PMPCA: variants seen among roughly 807,000 people sequenced by gnomAD.
PMPCA encodes mitochondrial-processing peptidase subunit alpha.
PMPCA carries 47 observed loss-of-function variants against 59.3 expected under a neutral mutation model. That is an observed-to-expected ratio of 0.79 (90% CI 0.63 to 1.01). PMPCA has a LOEUF of 1.01. PMPCA is among the 50% of genes least tolerant of loss of function. The pLI is 0.00. For missense variants in PMPCA, 726 were observed against 704.5 expected (o/e 1.03, Z -0.34); for synonymous variants, 338 against 290.3 (o/e 1.16, Z -1.67).
chr9:136,412,455 C>A, intron 2 of PMPCA, 35 bp from the exon 3 acceptor site: 2 of 981,432 alleles, frequency 2.0e-6, no homozygotes, highest in Non-Finnish European at 3.2e-6. Context: ...TTTTGAATAT[C>A]TGATGTAACC....
intron 11 of PMPCA, chr9:136,419,511 G>A: frequency 3.1e-6 from 1 of 321,596 alleles, no homozygotes; most frequent in Non-Finnish European, 6.0e-6. Flanking sequence ...TCGCACAGGT[G>A]GGCTGCAGCG....
chr9:136,413,765 C>G (rs1213265584), intron 4 of PMPCA, among the ~76,000 whole-genome samples: 1 of 152,182 alleles, frequency 6.6e-6, no homozygotes, highest in East Asian at 1.9e-4. Context: ...GCCCTCAGCT[C>G]AGGCTTTTGT....
rs10870165 is a variant in PMPCA, at chr9:136,422,149, C to A, written c.1408+173C>A. On this transcript the variant is annotated intron_variant, in intron 12 of 12. Coordinates refer to ENST00000371717, the MANE Select transcript of PMPCA (RefSeq NM_015160.3). ...GCGGCCAAGGGCAGGGTCGTGGGGT[C>A]GCAGACCTGGTCTCACTTCCCGGCC... is the stretch of plus-strand genomic sequence containing the variant. 5 of 1,538,916 alleles carry A rather than the reference C, an allele frequency of 3.2e-6. No individual in the cohort carries two copies. In the East Asian group the frequency reaches 9.9e-5, roughly 31 times the overall value.
chr9:136,417,989 C>T (rs1433542797), intron 7 of PMPCA, 28 bp from the exon 8 acceptor site: 17 of 1,526,180 alleles, frequency 1.1e-5, no homozygotes, highest in East Asian at 4.5e-5. Flanking sequence ...TTTCACATGG[C>T]GACACTTGCT....
rs1408951909 is a variant in PMPCA at position 136,423,139 on chromosome 9, C to T, written c.1453C>T (p.Leu485Phe). Residue 485 changes from leucine (L) to phenylalanine (F), a missense_variant, in exon 13 of 13, where the codon CTC becomes TTC. Transcript: ENST00000371717. ...TGTGAAGAGAGTCGCTTCTAAGATGCTCCGAGGGAAGCCGGCAGTGGCCGC... is the reference window on the plus strand; with the variant it reads ...TGTGAAGAGAGTCGCTTCTAAGATGTTCCGAGGGAAGCCGGCAGTGGCCGC... ...EDVKRVASKM[L>F]RGKPAVAALG... 6.2e-7 allele frequency: 1 copy of T among 1,613,660 alleles called. No individual in the cohort carries two copies. Among genetic ancestry groups the T allele is most frequent in the South Asian group, 1.1e-5 (1 of 91,072 alleles).
At chr9:136,416,150 C>T (rs931071185) in intron 5 of PMPCA, 141 bp from the exon 6 acceptor site, 2 of 655,708 alleles carry the variant, frequency 3.1e-6, no homozygotes, top group Admixed American at 2.5e-5. Context: ...AGCACCCAGT[C>T]TGCCCCTAGA....
intron 10 of PMPCA, 51 bp from the exon 11 acceptor site, chr9:136,418,992 AG>A: frequency 5.0e-6 from 8 of 1,597,560 alleles, no homozygotes; most frequent in Non-Finnish European, 6.0e-6. Flanking sequence ...TAGACGGGTC[AG>A]TAGGCCGGCA....
intron 7 of PMPCA, among the ~76,000 whole-genome samples, chr9:136,417,555 C>T (rs1228872060): frequency 1.3e-5 from 2 of 151,756 alleles, no homozygotes; most frequent in South Asian, 2.1e-4. Flanking sequence ...TTACTGCAAC[C>T]TCCACCTCCC....
intron 6 of PMPCA, 75 bp from the exon 7 acceptor site, chr9:136,416,876 C>G: frequency 7.0e-7 from 1 of 1,426,220 alleles, no homozygotes; most frequent in Non-Finnish European, 9.6e-7. Flanking sequence ...TGCAGATGGG[C>G]GCTGGTGCTG....
At chr9:136,416,796 T>A (rs1052466449) in intron 6 of PMPCA, 155 bp from the exon 7 acceptor site, 3 of 633,054 alleles carry the variant, frequency 4.7e-6, no homozygotes, top group Non-Finnish European at 8.3e-6. Context: ...TCTTTATAAA[T>A]ACGCACGCAG....
chr9:136,416,003 C>G, intron 5 of PMPCA: 4 of 518,170 alleles, frequency 7.7e-6, no homozygotes, highest in South Asian at 4.9e-5. Flanking sequence ...ACAGACAGGT[C>G]CAGTGTCTTC....
In PMPCA at chr9:136,418,860, A is replaced by G. The variant is rs778499148; in HGVS notation, c.1142A>G (p.His381Arg). The stretch of plus-strand genomic sequence containing the variant: ...TGGATGTATAACGCGACCTCCTACC[A>G]CCACAGCTACGAGGACACTGGCCTC... ...HHWMYNATSY[H>R]HSYEDTGLLC... The change falls in exon 10 of 13, where the codon CAC becomes CGC. Residue 381 changes from histidine to arginine, a missense_variant. Coordinates refer to ENST00000371717, the MANE Select transcript of PMPCA (RefSeq NM_015160.3). The G allele has an allele frequency of 3.1e-6, 5 of 1,613,062 alleles. No homozygotes were observed. The South Asian group carries it at 5.5e-5, about 18-fold the overall frequency.
intron 11 of PMPCA, chr9:136,419,639 G>A (rs371696829): frequency 1.8e-4 from 29 of 164,482 alleles, no homozygotes; most frequent in South Asian, 1.6e-3. Flanking sequence ...CTGGAGTGCA[G>A]TAGCTCAAAT....
At position 136,423,342 on chromosome 9, in the gene PMPCA, T is replaced by G. The variant is rs762908093; in HGVS notation, c.*78T>G. 2.9e-5 allele frequency: 42 copies of G among 1,435,964 alleles called. No individual in the cohort carries two copies. The highest frequency in any genetic ancestry group is 3.8e-5 in the Non-Finnish European group (40 of 1,060,258). 89.0% of individuals were successfully genotyped at this position (1,435,964 alleles called of 1,614,324 possible). ...GTGCGTGTTAGTTTGGACACGAATTTAGTCTAAAAAGCTGTCTGGTTGTAT... is the reference window on the plus strand; with the variant it reads ...GTGCGTGTTAGTTTGGACACGAATTGAGTCTAAAAAGCTGTCTGGTTGTAT... On this transcript the variant is annotated 3_prime_UTR_variant, in exon 13 of 13. Coordinates refer to ENST00000371717, the MANE Select transcript of PMPCA (RefSeq NM_015160.3).
In PMPCA at chr9:136,412,219, C is replaced by T. The variant is rs372669679; in HGVS notation, c.274+20C>T. ...TAGGAAGTAAGTACTGTTGTGTTGTCGTGGGTGGTCCCGCAGTTTTAACAT... is the reference window on the plus strand; with the variant it reads ...TAGGAAGTAAGTACTGTTGTGTTGTTGTGGGTGGTCCCGCAGTTTTAACAT... On this transcript the variant is annotated intron_variant, in intron 2 of 12. Coordinates refer to ENST00000371717, the MANE Select transcript of PMPCA (RefSeq NM_015160.3). 2.2e-4 allele frequency: 340 copies of T among 1,561,244 alleles called. 1 individual carries two copies. Among genetic ancestry groups the T allele is most frequent in the African/African-American group, 1.6e-3 (118 of 73,490 alleles).
rs573267388 is a variant in PMPCA, at chr9:136,416,312, G to T, written c.554G>T (p.Arg185Leu). 5 of 1,613,612 alleles carry T rather than the reference G, an allele frequency of 3.1e-6. No individual in the cohort carries two copies. The highest frequency in any genetic ancestry group is 2.2e-5 in the East Asian group (1 of 44,900). Residue 185 changes from arginine to leucine, a missense_variant, in exon 6 of 13, where the codon CGG (arginine) becomes CTG (leucine). By Grantham distance (102) the Arg-to-Leu change is moderately radical (BLOSUM62 -2). Coordinates refer to ENST00000371717, the MANE Select transcript of PMPCA (RefSeq NM_015160.3). Reference sequence around the variant, plus strand: ...GCAGATGAAGAAGTCGAGATGACGCGGATGGCGGTCCAGTTTGAGCTGGAG... The same window carrying T: ...GCAGATGAAGAAGTCGAGATGACGCTGATGGCGGTCCAGTTTGAGCTGGAG... The part of the protein sequence containing the change: ...RLTDEEVEMT[R>L]MAVQFELEDL...
intron 6 of PMPCA, 26 bp from the exon 7 acceptor site, chr9:136,416,925 C>T (rs921964946): frequency 6.3e-7 from 1 of 1,587,718 alleles, no homozygotes; most frequent in African/African-American, 1.3e-5. Context: ...CTTCAGTCAC[C>T]TGTGTCTGTG....
chr9:136,417,676 G>A (rs553595265), intron 7 of PMPCA, among the ~76,000 whole-genome samples: 2 of 151,998 alleles, frequency 1.3e-5, no homozygotes, highest in African/African-American at 2.4e-5. Context: ...GGCTGGTCTC[G>A]AACTCCTGAC....
intron 5 of PMPCA, among the ~76,000 whole-genome samples, chr9:136,415,688 A>G (rs1221080618): frequency 2.6e-5 from 4 of 152,248 alleles, no homozygotes; most frequent in Non-Finnish European, 5.9e-5. Context: ...GCTGGAATGC[A>G]GTGGCGCGAT....
Sources: gnomAD v4.1 joint callset for allele counts (sites outside exome capture counted in the v4.1 genomes callset) on GRCh38, gnomAD v4.1.1 for gene constraint, MANE v1.5 for transcripts, NCBI Gene and HGNC (gene_info 2026-07-23, HGNC 2026-07-21) for gene names.